VPS13B: variants seen among roughly 807,000 people sequenced by gnomAD.
VPS13B encodes the protein intermembrane lipid transfer protein VPS13B.
A neutral mutation model predicts 426.4 loss-of-function variants in VPS13B; 285 were observed. The ratio of observed to expected loss-of-function variants is 0.67; its 90% confidence interval spans 0.61 to 0.74. The LOEUF is 0.74. Ranked by LOEUF, VPS13B falls within the 30% of genes least tolerant of loss-of-function variation. The pLI, the probability that VPS13B is intolerant of heterozygous loss-of-function variation, is 0.00. For missense variants in VPS13B, 4,537 were observed against 4,782.6 expected, an observed-to-expected ratio of 0.95 and a Z score of 1.51; for synonymous variants, 1,676 against 1,676.4, an observed-to-expected ratio of 1.00 and a Z score of 0.01.
At chr8:99,451,125 T>C (rs1482240120) in intron 23 of VPS13B, among the ~76,000 whole-genome samples, 1 of 152,116 alleles carries the variant, frequency 6.6e-6, no homozygotes, top group Non-Finnish European at 1.5e-5. Context: ...AAAAATGACA[T>C]AAATTTGATT....
At chr8:99,562,529 C>T (rs1170597319) in intron 31 of VPS13B, among the ~76,000 whole-genome samples, 1 of 152,194 alleles carries the variant, frequency 6.6e-6, no homozygotes, top group African/African-American at 2.4e-5. Context: ...GATCCACCAG[C>T]CTTAGCCTCC....
chr8:99,847,825 T>C (rs1816058957), intron 54 of VPS13B, among the ~76,000 whole-genome samples: 1 of 152,224 alleles, frequency 6.6e-6, no homozygotes, highest in African/African-American at 2.4e-5. Flanking sequence ...TGCTTCTTCA[T>C]GTGATCAAAA....
At chr8:99,193,800 T>TAGGGA (rs1249933156) in intron 17 of VPS13B, among the ~76,000 whole-genome samples, 1 of 152,202 alleles carries the variant, frequency 6.6e-6, no homozygotes, top group Admixed American at 6.5e-5. Flanking sequence ...AGAGTTTTCT[T>TAGGGA]ATTTGGCCTA....
intron 19 of VPS13B, among the ~76,000 whole-genome samples, chr8:99,312,503 C>G (rs1273061275): frequency 6.6e-6 from 1 of 152,232 alleles, no homozygotes; most frequent in Non-Finnish European, 1.5e-5. Context: ...GGCCCCCACT[C>G]TCTTCTGGCT....
chr8:99,388,237 T>A (rs184604371), intron 20 of VPS13B, among the ~76,000 whole-genome samples: 19 of 152,266 alleles, frequency 1.2e-4, no homozygotes, highest in Non-Finnish European at 1.2e-4. Context: ...ACTAATATCA[T>A]AATAATGGTT....
At chr8:99,193,708 T>C (rs1813734364) in intron 17 of VPS13B, among the ~76,000 whole-genome samples, 1 of 152,124 alleles carries the variant, frequency 6.6e-6, no homozygotes, top group African/African-American at 2.4e-5. Context: ...ACATTATTTT[T>C]AATTTATCTG....
At chr8:99,222,980 G>A (rs1314386064) in intron 17 of VPS13B, among the ~76,000 whole-genome samples, 2 of 152,042 alleles carry the variant, frequency 1.3e-5, no homozygotes, top group Non-Finnish European at 2.9e-5. Flanking sequence ...GGGATTACAG[G>A]TGCACACCAC....
chr8:99,069,130 GC>G (rs1389291407), intron 3 of VPS13B, among the ~76,000 whole-genome samples: 2 of 152,074 alleles, frequency 1.3e-5, no homozygotes, highest in Non-Finnish European at 2.9e-5. Context: ...CATAATTTGA[GC>G]CCTTAAATAA....
At chr8:99,152,786 T>A (rs900562174) in intron 14 of VPS13B, among the ~76,000 whole-genome samples, 3 of 152,234 alleles carry the variant, frequency 2.0e-5, no homozygotes. Context: ...TTTTCTTCTG[T>A]CTGAAATTAA....
At chr8:99,445,779 A>G (rs993496557) in intron 23 of VPS13B, among the ~76,000 whole-genome samples, 5 of 152,066 alleles carry the variant, frequency 3.3e-5, no homozygotes, top group African/African-American at 4.8e-5. Flanking sequence ...TTCTCTCCAG[A>G]TTGAGGTTAT....
intron 22 of VPS13B, among the ~76,000 whole-genome samples, chr8:99,432,368 T>C (rs1039828554): frequency 2.0e-5 from 3 of 152,130 alleles, no homozygotes; most frequent in African/African-American, 7.2e-5. Flanking sequence ...AAAGTTGCAA[T>C]AGAACCTTGT....
chr8:99,497,505 A>G (rs969613726), intron 25 of VPS13B, among the ~76,000 whole-genome samples: 33 of 151,690 alleles, frequency 2.2e-4, no homozygotes, highest in African/African-American at 8.0e-4. Context: ...TGTGACAAGC[A>G]TTGTTTATTG....
At chr8:99,563,402 C>T (rs1825030477) in intron 31 of VPS13B, among the ~76,000 whole-genome samples, 1 of 152,084 alleles carries the variant, frequency 6.6e-6, no homozygotes, top group Non-Finnish European at 1.5e-5. Flanking sequence ...AGAAACACAT[C>T]CAAATCAAGA....
At chr8:99,476,704 T>C (rs547999911) in intron 24 of VPS13B, among the ~76,000 whole-genome samples, 6 of 152,206 alleles carry the variant, frequency 3.9e-5, no homozygotes, top group African/African-American at 1.4e-4. Context: ...AACGTTGCAA[T>C]CAATTTAGAA....
In VPS13B at chr8:99,293,758, A is replaced by G. The variant is rs1819874860; in HGVS notation, c.2824+18504A>G. On this transcript the variant is annotated intron_variant, in intron 19 of 61. Coordinates refer to ENST00000357162, the MANE Select transcript of VPS13B (RefSeq NM_152564.5). ...ATGAACAGACACTTCTCAAAAGAAGACATTTATGCAGCCAAAAAATACATG... is the reference window on the plus strand; with the variant it reads ...ATGAACAGACACTTCTCAAAAGAAGGCATTTATGCAGCCAAAAAATACATG... 2.6e-5 allele frequency among the ~76,000 whole-genome samples: 4 copies of G among 152,204 alleles called. No homozygotes were observed. In the South Asian group the frequency reaches 8.3e-4, roughly 32 times the overall value.
chr8:99,645,945 T>G (rs1045163306), intron 34 of VPS13B, among the ~76,000 whole-genome samples: 7 of 151,986 alleles, frequency 4.6e-5, no homozygotes, highest in African/African-American at 1.7e-4. Flanking sequence ...ACCTTAAGGA[T>G]AAGAAAAAAG....
intron 19 of VPS13B, among the ~76,000 whole-genome samples, chr8:99,360,520 G>A (rs1419795440): frequency 1.3e-5 from 2 of 151,658 alleles, no homozygotes; most frequent in Admixed American, 6.6e-5. Flanking sequence ...CTCGTGACCC[G>A]CCCGTCTCGG....
intron 2 of VPS13B, among the ~76,000 whole-genome samples, chr8:99,034,173 C>T (rs910504140): frequency 4.6e-5 from 7 of 152,140 alleles, no homozygotes; most frequent in African/African-American, 1.7e-4. Context: ...TGACTTGCCT[C>T]GACTAATTTT....
Position 99,251,567 on chromosome 8 carries a change from G to A in VPS13B, c.2516-22631G>A, listed in dbSNP as rs1043689720. 4.6e-5 allele frequency among the ~76,000 whole-genome samples: 7 copies of A among 152,038 alleles called. No homozygotes were observed. In the East Asian group the frequency reaches 1.3e-3, roughly 29 times the overall value. On this transcript the variant is annotated intron_variant, in intron 17 of 61. Coordinates refer to ENST00000357162, the MANE Select transcript of VPS13B (RefSeq NM_152564.5). ...GTATTTACAAACACAATAACACATC[G>A]CTGAATTCTATTTTTAATATTTTGA... is the stretch of plus-strand genomic sequence containing the variant.
Sources: allele counts gnomAD v4.1 joint callset (sites outside exome capture counted in the v4.1 genomes callset), GRCh38; gene constraint gnomAD v4.1.1; transcripts MANE v1.5; gene names NCBI Gene and HGNC (gene_info 2026-07-23, HGNC 2026-07-21).